The following ROBO4 variants were observed in gnomAD, a reference collection of about 807,000 sequenced individuals.
ROBO4 encodes the protein roundabout homolog 4.
A neutral mutation model predicts 103.3 loss-of-function variants in ROBO4; 80 were observed. The observed-to-expected ratio is 0.77, with a 90% CI of 0.65 to 0.93. ROBO4 has a LOEUF of 0.93. Among genes scored for constraint, ROBO4 ranks in the 40% least tolerant of loss-of-function variants. The probability of loss-of-function intolerance (pLI) is 0.00; values close to 1 mark genes in which losing one functional copy is unlikely to be tolerated. For synonymous variants in ROBO4, 504 were observed against 529.7 expected (o/e 0.95, Z 0.67); for missense variants, 1,333 against 1,305.3 (o/e 1.02, Z -0.33).
At chr11:124,887,597 C>T (rs1591530937) in intron 13 of ROBO4, 98 bp from the exon 14 acceptor site, 10 of 1,561,990 alleles carry the variant, frequency 6.4e-6, no homozygotes, top group East Asian at 4.5e-5. Context: ...GCTACCTGTC[C>T]ACTACTCCAT....
chr11:124,885,284 C>T, intron 16 of ROBO4, 37 bp from the exon 17 acceptor site: 7 of 1,568,894 alleles, frequency 4.5e-6, no homozygotes, highest in Non-Finnish European at 6.1e-6. Flanking sequence ...GGGAGGTTGA[C>T]CTTCAGCCCC....
Position 124,885,101 on chromosome 11 carries a change from G to C in ROBO4, c.2941C>G (p.Pro981Ala). Residue 981 changes from proline to alanine, a missense_variant, in exon 17 of 18, where the codon CCT becomes GCT. By Grantham distance (27) the Pro-to-Ala change is conservative. Transcript: ENST00000306534. ...CTCTGGGAAGAGATCTGAGAGTCAGGGGGCCAGGGAGGCATCCCCCTTCCC... is the reference window on the plus strand; with the variant it reads ...CTCTGGGAAGAGATCTGAGAGTCAGCGGGCCAGGGAGGCATCCCCCTTCCC... ...RLGRGMPPWP[P>A]DSQISSQRSQ... The C allele has an allele frequency of 6.2e-7, 1 of 1,614,152 alleles. No homozygotes were observed. Among genetic ancestry groups the C allele is most frequent in the Non-Finnish European group, 8.5e-7 (1 of 1,180,044 alleles).
chr11:124,893,545 T>C, intron 10 of ROBO4, 143 bp downstream of exon 10: 1 of 755,764 alleles, frequency 1.3e-6, no homozygotes, highest in Non-Finnish European at 2.4e-6. Context: ...AGAAATGAAC[T>C]ATCAGTTGGA....
chr11:124,889,929 T>A (rs1033527660), intron 12 of ROBO4, among the ~76,000 whole-genome samples: 3 of 151,980 alleles, frequency 2.0e-5, no homozygotes, highest in Non-Finnish European at 4.4e-5. Flanking sequence ...GGGGCAGTGG[T>A]GAGATGGGGC....
rs1404678836 is a variant in ROBO4 at position 124,884,616 on chromosome 11, C to A, written c.*275G>T. On this transcript the variant is annotated 3_prime_UTR_variant, in exon 18 of 18. Coordinates refer to ENST00000306534, the MANE Select transcript of ROBO4 (RefSeq NM_019055.6). ...AGGGCTGCTCCTCAGGCCAAAACAA[C>A]CTGGTGGTGGGAGTGGATGGCACAG... 3.7e-6 allele frequency: 2 copies of A among 546,836 alleles called. No homozygotes were observed. Among genetic ancestry groups the A allele is most frequent in the South Asian group, 2.4e-5 (1 of 42,186 alleles). The allele number at this position is 546,836 out of a possible 1,614,324, so 33.9% of individuals were successfully genotyped here. A position where few individuals can be genotyped will look rare whatever the true frequency, so the allele number is the denominator to read the frequency against.
intron 12 of ROBO4, among the ~76,000 whole-genome samples, chr11:124,889,841 G>A (rs781609533): frequency 1.2e-4 from 18 of 152,188 alleles, no homozygotes; most frequent in Non-Finnish European, 2.4e-4. Flanking sequence ...TGATCTTGTT[G>A]CTGCTGAGGT....
At chr11:124,895,730 G>A (rs763724803) in intron 5 of ROBO4, 45 bp from the exon 6 acceptor site, 2 of 1,612,746 alleles carry the variant, frequency 1.2e-6, no homozygotes, top group African/African-American at 2.7e-5. Context: ...GAGAGCTCAG[G>A]AACGCCCTTT....
intron 12 of ROBO4, among the ~76,000 whole-genome samples, chr11:124,890,321 C>T (rs1685839051): frequency 6.6e-6 from 1 of 151,682 alleles, no homozygotes; most frequent in Admixed American, 6.5e-5. Flanking sequence ...TGGATTAAAT[C>T]CACTTAAAAA....
chr11:124,887,261 A>C (rs1946729677), intron 14 of ROBO4, 48 bp from the exon 15 acceptor site: 1 of 1,593,662 alleles, frequency 6.3e-7, no homozygotes, highest in Non-Finnish European at 8.6e-7. Flanking sequence ...ACAGCTCTTC[A>C]AGTCCTTTCC....
chr11:124,891,078 C>T (rs919901319), intron 12 of ROBO4, among the ~76,000 whole-genome samples: 3 of 152,176 alleles, frequency 2.0e-5, no homozygotes, highest in Non-Finnish European at 4.4e-5. Context: ...TGTAGCCAAA[C>T]TGAAACAAGA....
Position 124,893,864 on chromosome 11 carries a change from G to A in ROBO4, c.1500C>T (p.Gly500=), listed in dbSNP as rs1010324146. The change falls in exon 9 of 18, where the codon GGC becomes GGT. Residue 500 remains glycine (G), a synonymous_variant. Transcript: ENST00000306534. ...GGGTCCCCCTCAGACTCTCACCTGG[G>A]CCCAGGTGCACCCTAGCTCGGCGCC... The part of the protein sequence containing the change: ...HRRRRARVHL[G]PGLYRYTSED... The A allele has an allele frequency of 6.2e-7, 1 of 1,613,102 alleles. No homozygotes were observed. The highest frequency in any genetic ancestry group is 1.7e-5 in the Admixed American group (1 of 59,938).
At position 124,891,550 on chromosome 11, in the gene ROBO4, T is replaced by G; in HGVS notation, c.1697A>C (p.Asp566Ala). The G allele has an allele frequency of 6.2e-7, 1 of 1,613,730 alleles. No homozygotes were observed. The highest frequency in any genetic ancestry group is 8.5e-7 in the Non-Finnish European group (1 of 1,179,928). Reference sequence around the variant, plus strand: ...CAGGGGCACGCCGGGGCTTCGGGAGTCCCAGGAGAGCACTGTGACATAAAT... The same window carrying G: ...CAGGGGCACGCCGGGGCTTCGGGAGGCCCAGGAGAGCACTGTGACATAAAT... ...LDCRRSLLSW[D>A]SRSPGVPLLP... The change falls in exon 12 of 18, where the codon GAC becomes GCC. Residue 566 changes from aspartate (D) to alanine (A), a missense_variant. Coordinates refer to ENST00000306534, the MANE Select transcript of ROBO4 (RefSeq NM_019055.6).
Position 124,886,976 on chromosome 11 carries a change from C to T in ROBO4, c.2435+1G>A, listed in dbSNP as rs764664943. The stretch of plus-strand genomic sequence containing the variant: ...CTTTGGTTATCTCTCAAGCTACTCA[C>T]CTGGGAGTCTCCTCACCCTCACTGA... On this transcript the variant is annotated splice_donor_variant, in intron 15 of 17. Coordinates refer to ENST00000306534, the MANE Select transcript of ROBO4 (RefSeq NM_019055.6). LOFTEE classifies it high-confidence loss of function. 6.2e-6 allele frequency: 10 copies of T among 1,604,804 alleles called. No individual in the cohort carries two copies. Among genetic ancestry groups the T allele is most frequent in the South Asian group, 5.5e-5 (5 of 90,618 alleles).
chr11:124,896,474 C>G (rs1329039404), intron 3 of ROBO4, 39 bp downstream of exon 3: 2 of 1,607,318 alleles, frequency 1.2e-6, no homozygotes, highest in African/African-American at 1.3e-5. Context: ...CAGGTCTGCC[C>G]AGGCCAGGAT....
rs1458848553 is a variant in ROBO4, at chr11:124,884,678, T to C, written c.*213A>G. ...GTGGCTAGGAGTCAGGTGGAGATGA[T>C]GTTTTGCTCCCTGAGGGCTCCAGGT... On this transcript the variant is annotated 3_prime_UTR_variant, in exon 18 of 18. Transcript: ENST00000306534. 3.3e-6 allele frequency: 2 copies of C among 613,004 alleles called. No homozygotes were observed. The highest frequency in any genetic ancestry group is 2.8e-5 in the East Asian group (1 of 36,354). The allele number at this position is 613,004 out of a possible 1,614,324, so 38.0% of individuals were successfully genotyped here.
At chr11:124,892,869 AG>A (rs1946820452) in intron 10 of ROBO4, 1 of 152,670 alleles carries the variant, frequency 6.6e-6, no homozygotes, top group African/African-American at 2.4e-5. Context: ...GGAAGAAAGA[AG>A]CCAGTGAGCT....
At chr11:124,894,816 T>C (rs1172013784) in intron 7 of ROBO4, among the ~76,000 whole-genome samples, 3 of 152,236 alleles carry the variant, frequency 2.0e-5, no homozygotes, top group Non-Finnish European at 4.4e-5. Flanking sequence ...ACTCTGTTTC[T>C]TATTCCTGTG....
At chr11:124,894,463 C>A in intron 7 of ROBO4, 94 bp from the exon 8 acceptor site, 1 of 1,303,026 alleles carries the variant, frequency 7.7e-7, no homozygotes, top group Middle Eastern at 1.9e-4. Context: ...TGTGGTTATT[C>A]TGCCCTGCCA....
At chr11:124,888,897 C>A (rs1370243174) in intron 12 of ROBO4, among the ~76,000 whole-genome samples, 1 of 152,124 alleles carries the variant, frequency 6.6e-6, no homozygotes, top group Admixed American at 6.5e-5. Flanking sequence ...AAGAAACAGC[C>A]TTTAGATTAG....
Sources: allele counts gnomAD v4.1 joint callset (sites outside exome capture counted in the v4.1 genomes callset), GRCh38; gene constraint gnomAD v4.1.1; transcripts MANE v1.5; gene names NCBI Gene and HGNC (gene_info 2026-07-23, HGNC 2026-07-21).